PLEKHA7: variants seen among roughly 807,000 people sequenced by gnomAD.
PLEKHA7 encodes the protein pleckstrin homology domain containing A7.
A neutral mutation model predicts 170.0 loss-of-function variants in PLEKHA7; 104 were observed. The observed-to-expected ratio is 0.61, with a 90% confidence interval of 0.52 to 0.72. The LOEUF is 0.72. Ranked by LOEUF, PLEKHA7 falls within the 30% of genes least tolerant of loss-of-function variation. The probability of loss-of-function intolerance (pLI) is 0.00; values close to 1 mark genes in which losing one functional copy is unlikely to be tolerated. For missense variants in PLEKHA7, 1,615 were observed against 1,671.7 expected (o/e 0.97, Z 0.59); for synonymous variants, 648 against 660.8 (o/e 0.98, Z 0.30).
At chr11:16,848,410 G>A (rs978386335) in intron 8 of PLEKHA7, among the ~76,000 whole-genome samples, 4 of 152,176 alleles carry the variant, frequency 2.6e-5, no homozygotes, top group Non-Finnish European at 4.4e-5. Context: ...AACATTTTTT[G>A]TGGCATGGAC....
chr11:16,822,756 T>A (rs1387369822), intron 10 of PLEKHA7, among the ~76,000 whole-genome samples: 1 of 152,116 alleles, frequency 6.6e-6, no homozygotes, highest in Non-Finnish European at 1.5e-5. Flanking sequence ...GGATTCTTAG[T>A]CCTGGCTGCA....
chr11:16,846,413 CT>C (rs1422397859), intron 8 of PLEKHA7, among the ~76,000 whole-genome samples: 1 of 152,204 alleles, frequency 6.6e-6, no homozygotes, highest in African/African-American at 2.4e-5. Context: ...AGAACTTGGG[CT>C]CTTAGAATCA....
intron 3 of PLEKHA7, among the ~76,000 whole-genome samples, chr11:16,961,639 C>CA (rs573294533): frequency 1.1e-3 from 171 of 152,320 alleles, no homozygotes; most frequent in Non-Finnish European, 2.2e-3. Context: ...CCTTGGTCCT[C>CA]AGACACACCC....
chr11:16,925,084 T>C (rs1859409925), intron 3 of PLEKHA7, among the ~76,000 whole-genome samples: 2 of 152,208 alleles, frequency 1.3e-5, no homozygotes, highest in African/African-American at 2.4e-5. Flanking sequence ...GGCGGAACGC[T>C]TGGCGGGGTC....
chr11:16,985,210 C>T (rs759165615), intron 3 of PLEKHA7, among the ~76,000 whole-genome samples: 3 of 152,216 alleles, frequency 2.0e-5, no homozygotes, highest in Non-Finnish European at 4.4e-5. Context: ...GCCCACTACA[C>T]GTTTATGAAT....
intron 3 of PLEKHA7, among the ~76,000 whole-genome samples, chr11:17,002,988 C>T (rs1963310): frequency 0.22 from 18,370 of 81,750 alleles, 1,721 homozygotes; most frequent in Non-Finnish European, 0.25. Context: ...AATAGTTGTG[C>T]CTTTTTTTTT....
Position 16,947,010 on chromosome 11 carries a change from C to T in PLEKHA7, c.221+66979G>A, listed in dbSNP as rs974750628. 3.9e-5 allele frequency among the ~76,000 whole-genome samples: 6 copies of T among 152,276 alleles called. 1 individual carries two copies. The highest frequency in any genetic ancestry group is 1.9e-4 in the East Asian group (1 of 5,180). ...GGCTGCTGGTTCCAAAACGCAGCTG[C>T]GCCAGCACCCCCTGGGAACCTATAA... On this transcript the variant is annotated intron_variant, in intron 3 of 26. Coordinates refer to ENST00000531066, the MANE Select transcript of PLEKHA7 (RefSeq NM_001329630.2).
intron 3 of PLEKHA7, among the ~76,000 whole-genome samples, chr11:16,911,548 G>A (rs999667131): frequency 1.3e-5 from 2 of 152,122 alleles, no homozygotes; most frequent in Non-Finnish European, 2.9e-5. Flanking sequence ...CAGCCAAGGT[G>A]CTTATTCACT....
At position 16,794,568 on chromosome 11, in the gene PLEKHA7, C is replaced by G. The variant is rs773265858; in HGVS notation, c.2665G>C (p.Val889Leu). Residue 889 changes from valine (V) to leucine (L), a missense_variant, in exon 19 of 27, where the codon GTG becomes CTG. Val to Leu is a conservative substitution (Grantham distance 32). Coordinates refer to ENST00000531066, the MANE Select transcript of PLEKHA7 (RefSeq NM_001329630.2). ...VRLFPQLQTYVPYRPHPPQLR... is the reference protein window; with the variant it reads ...VRLFPQLQTYLPYRPHPPQLR... ...TGGGGTGGGTGAGGTCGGTACGGCA[C>G]GTAGGTTTGCAGCTGGGGGAAGAGT... 3 of 1,613,478 alleles carry G rather than the reference C, an allele frequency of 1.9e-6. No individual in the cohort carries two copies. The highest frequency in any genetic ancestry group is 4.5e-5 in the East Asian group (2 of 44,836).
chr11:16,992,563 C>G (rs1864109987), intron 3 of PLEKHA7, among the ~76,000 whole-genome samples: 1 of 152,142 alleles, frequency 6.6e-6, no homozygotes, highest in Non-Finnish European at 1.5e-5. Context: ...CGAGACCAGC[C>G]TGGCCAATGT....
intron 24 of PLEKHA7, among the ~76,000 whole-genome samples, chr11:16,784,106 A>G (rs998456941): frequency 3.2e-4 from 49 of 152,190 alleles, no homozygotes; most frequent in Non-Finnish European, 1.5e-4. Flanking sequence ...CTCTCAGGAT[A>G]AAAAATGATC....
chr11:16,988,464 G>A (rs987407724), intron 3 of PLEKHA7, among the ~76,000 whole-genome samples: 5 of 151,778 alleles, frequency 3.3e-5, no homozygotes. Flanking sequence ...TCCTTTCTTT[G>A]AGACAGAGTT....
chr11:16,968,607 G>A (rs1054853300), intron 3 of PLEKHA7, among the ~76,000 whole-genome samples: 20 of 152,200 alleles, frequency 1.3e-4, no homozygotes, highest in African/African-American at 4.8e-4. Flanking sequence ...TTGAAGGGCT[G>A]CTTTGTGTTT....
intron 3 of PLEKHA7, among the ~76,000 whole-genome samples, chr11:16,892,945 C>T (rs1856761626): frequency 1.3e-5 from 2 of 152,224 alleles, no homozygotes; most frequent in South Asian, 2.1e-4. Flanking sequence ...CTTCCTGCTG[C>T]ATCCTCACAT....
chr11:16,786,194 C>A (rs1480393671), intron 24 of PLEKHA7, 35 bp downstream of exon 24: 14 of 1,534,178 alleles, frequency 9.1e-6, no homozygotes, highest in African/African-American at 1.4e-5. Context: ...AAGGCCATGT[C>A]TCCTGGAGGA....
intron 3 of PLEKHA7, among the ~76,000 whole-genome samples, chr11:16,955,734 C>G (rs1366793771): frequency 6.6e-6 from 1 of 152,122 alleles, no homozygotes; most frequent in Non-Finnish European, 1.5e-5. Flanking sequence ...CCAGAAAGCT[C>G]TAGAATGGGG....
At chr11:16,911,092 A>G (rs1306403903) in intron 3 of PLEKHA7, among the ~76,000 whole-genome samples, 1 of 152,254 alleles carries the variant, frequency 6.6e-6, no homozygotes, top group Non-Finnish European at 1.5e-5. Context: ...TGCATTTTTA[A>G]CAAGCACCCA....
chr11:16,963,766 C>T (rs1862206353), intron 3 of PLEKHA7, among the ~76,000 whole-genome samples: 2 of 152,242 alleles, frequency 1.3e-5, no homozygotes, highest in Non-Finnish European at 2.9e-5. Context: ...ACCCTGGCAT[C>T]TGATCAGTAG....
chr11:16,830,086 C>T (rs1046014590), intron 9 of PLEKHA7, among the ~76,000 whole-genome samples: 4 of 152,072 alleles, frequency 2.6e-5, no homozygotes, highest in Non-Finnish European at 4.4e-5. Context: ...TCAAGTGATC[C>T]TTCCACTTCT....
Sources: gnomAD v4.1 joint callset for allele counts (sites outside exome capture counted in the v4.1 genomes callset) on GRCh38, gnomAD v4.1.1 for gene constraint, MANE v1.5 for transcripts, NCBI Gene and HGNC (gene_info 2026-07-23, HGNC 2026-07-21) for gene names.